Variants in ZNF791 observed in about 807,000 individuals in gnomAD.
ZNF791 encodes zinc finger protein 791.
In ZNF791, 4 loss-of-function variants were observed where a neutral mutation model predicts 11.5. The ratio of observed to expected loss-of-function variants is 0.35; its 90% CI spans 0.17 to 0.80. ZNF791 has a LOEUF of 0.80. Among genes scored for constraint, ZNF791 ranks in the 30% least tolerant of loss-of-function variants. ZNF791 has a pLI of 0.53. For synonymous variants in ZNF791, 212 were observed against 228.1 expected, an observed-to-expected ratio of 0.93 and a Z score of 0.64; for missense variants, 559 against 699.4, an observed-to-expected ratio of 0.80 and a Z score of 2.26.
chr19:12,626,635 T>A lies in ZNF791; in HGVS notation c.192-1086T>A, dbSNP rs1195943748. ...TATTTTTATTTTTGAGACGAAGTCT[T>A]GCTCTGTCACCCAGGCTGGAGTGCA... On this transcript the variant is annotated intron_variant, in intron 3 of 3. Transcript: ENST00000343325. 2.6e-5 allele frequency among the ~76,000 whole-genome samples: 4 copies of A among 151,954 alleles called. No homozygotes were observed. The East Asian group carries it at 5.9e-4, about 22-fold the overall frequency.
rs1568290861 is a variant in ZNF791 at position 12,628,426 on chromosome 19, C to T, written c.897C>T (p.Pro299=). 6.2e-7 allele frequency: 1 copy of T among 1,609,150 alleles called. No homozygotes were observed. The highest frequency in any genetic ancestry group is 8.5e-7 in the Non-Finnish European group (1 of 1,177,832). Residue 299 remains proline, a synonymous_variant, in exon 4 of 4, where the codon CCC becomes CCT. Coordinates refer to ENST00000343325, the MANE Select transcript of ZNF791 (RefSeq NM_153358.3). ...AAAGAATTCACACTGGAGAGAAACCCTATAAATGTAAACAATGTGGTAAAG... is the reference window on the plus strand; with the variant it reads ...AAAGAATTCACACTGGAGAGAAACCTTATAAATGTAAACAATGTGGTAAAG... ...VHERIHTGEK[P]YKCKQCGKAF...
intron 1 of ZNF791, among the ~76,000 whole-genome samples, chr19:12,622,382 A>T (rs1258360157): frequency 2.3e-5 from 3 of 130,266 alleles, no homozygotes; most frequent in African/African-American, 6.2e-5. Flanking sequence ...AATAAATAAA[A>T]AAAATAATAA....
At chr19:12,633,831 AAAAC>A in exon 4 of ZNF791, 2 of 151,828 alleles carry the variant, frequency 1.3e-5, no homozygotes, top group Non-Finnish European at 2.9e-5. Context: ...AAAAAAAAAA[AAAAC>A]AACTATATGG....
At chr19:12,627,253 C>T (rs1326190267) in intron 3 of ZNF791, among the ~76,000 whole-genome samples, 2 of 151,912 alleles carry the variant, frequency 1.3e-5, no homozygotes, top group Admixed American at 1.3e-4. Flanking sequence ...GTGACACAAG[C>T]CCTCTTGCAG....
chr19:12,620,689 A>G (rs1052082596), intron 1 of ZNF791, among the ~76,000 whole-genome samples: 12 of 151,534 alleles, frequency 7.9e-5, no homozygotes, highest in African/African-American at 2.9e-4. Context: ...AACCTGGGAC[A>G]ACAGCCCCTA....
Position 12,631,358 on chromosome 19 carries a change from C to CAT in ZNF791, c.*2102_*2103dup. On this transcript the variant is annotated 3_prime_UTR_variant, in exon 4 of 4. Transcript: ENST00000343325. ...ATCACCTACAACACGTTTCTCAGAA[C>CAT]ATATACCCATGATTAAGCAATCTCT... is the stretch of plus-strand genomic sequence containing the variant. 1 of 152,316 alleles carries CAT rather than the reference C, an allele frequency of 6.6e-6. No homozygotes were observed. Among genetic ancestry groups the CAT allele is most frequent in the Non-Finnish European group, 1.5e-5 (1 of 68,036 alleles). 9.4% of individuals were successfully genotyped at this position (152,316 alleles called of 1,614,324 possible).
At position 12,628,247 on chromosome 19, in the gene ZNF791, G is replaced by GGA; in HGVS notation, c.723_724dup (p.Lys242ArgfsTer20). 1 of 1,613,830 alleles carries GGA rather than the reference G, an allele frequency of 6.2e-7. No individual in the cohort carries two copies. The highest frequency in any genetic ancestry group is 8.5e-7 in the Non-Finnish European group (1 of 1,179,898). ...TCGAGTACACGAAAGAACTCACACT[G>GGA]GAGAGAAACCCTATGCATGTAAGGA... On this transcript the variant is annotated frameshift_variant, in exon 4 of 4. Coordinates refer to ENST00000343325, the MANE Select transcript of ZNF791 (RefSeq NM_153358.3). LOFTEE classifies it low-confidence loss of function (END_TRUNC).
At chr19:12,627,467 A>C (rs1420975301) in intron 3 of ZNF791, among the ~76,000 whole-genome samples, 1 of 151,964 alleles carries the variant, frequency 6.6e-6, no homozygotes, top group Non-Finnish European at 1.5e-5. Context: ...GCTTTACTAA[A>C]AATACAAAAT....
At position 12,632,221 on chromosome 19, in the gene ZNF791, C is replaced by T. The variant is rs757830528; in HGVS notation, c.*2961C>T. On this transcript the variant is annotated 3_prime_UTR_variant, in exon 4 of 4. Transcript: ENST00000343325. ...CTCGTGATTCGACCGCCTCAGCCTCCCAAAGTGCTGGGATTACAAGCTTGA... is the reference window on the plus strand; with the variant it reads ...CTCGTGATTCGACCGCCTCAGCCTCTCAAAGTGCTGGGATTACAAGCTTGA... The T allele has an allele frequency of 1.3e-5, 2 of 151,968 alleles. No homozygotes were observed. The highest frequency in any genetic ancestry group is 6.6e-5 in the Admixed American group (1 of 15,230). The allele number at this position is 151,968 out of a possible 1,614,324, so 9.4% of individuals were successfully genotyped here. A position where few individuals can be genotyped will look rare whatever the true frequency, so the allele number is the denominator to read the frequency against.
chr19:12,621,719 GGGGGTCAGCCCCCCTGCC>G (rs2023349094), intron 1 of ZNF791, among the ~76,000 whole-genome samples: 1 of 102,714 alleles, frequency 9.7e-6, no homozygotes, highest in African/African-American at 3.8e-5. Flanking sequence ...CACCTCGGTG[GGGGGTCAGCCCCCCTGCC>G]CGGCCAGCCG....
In ZNF791 at chr19:12,631,053, C is replaced by G. The variant is rs1290331170; in HGVS notation, c.*1793C>G. On this transcript the variant is annotated 3_prime_UTR_variant, in exon 4 of 4. Coordinates refer to ENST00000343325, the MANE Select transcript of ZNF791 (RefSeq NM_153358.3). ...TTCACTCACCACTCAACTGACTCAC[C>G]CAGAGCAACTTCTAGTCCTGCAAGC... The G allele has an allele frequency of 1.3e-5, 2 of 152,200 alleles. No homozygotes were observed. The highest frequency in any genetic ancestry group is 2.9e-5 in the Non-Finnish European group (2 of 68,040). 9.4% of individuals were successfully genotyped at this position (152,200 alleles called of 1,614,324 possible).
At position 12,614,918 on chromosome 19, in the gene ZNF791, T is replaced by TTTTTTTTTTTTTTTTTTTTC. The variant is rs2023221144; in HGVS notation, c.3+3845_3+3846insTTTTTTTTTTCTTTTTTTTT. On this transcript the variant is annotated intron_variant, in intron 1 of 3. Coordinates refer to ENST00000343325, the MANE Select transcript of ZNF791 (RefSeq NM_153358.3). Reference sequence around the variant, plus strand: ...TTTTTTTTTTTTTTTTTTTTTTTTTTTTTTTTTTTGATACAGCGTCTCACT... The same window carrying TTTTTTTTTTTTTTTTTTTTC: ...TTTTTTTTTTTTTTTTTTTTTTTTTTTTTTTTTTTTTTTTTTTTTCTTTTTTTTTGATACAGCGTCTCACT... 1.5e-5 allele frequency among the ~76,000 whole-genome samples: 2 copies of TTTTTTTTTTTTTTTTTTTTC among 136,256 alleles called. 1 individual carries two copies. Among genetic ancestry groups the TTTTTTTTTTTTTTTTTTTTC allele is most frequent in the Non-Finnish European group, 3.1e-5 (2 of 65,062 alleles). 89.4% of individuals were successfully genotyped at this position (136,256 alleles called of 152,430 possible). A position where few individuals can be genotyped will look rare whatever the true frequency, so the allele number is the denominator to read the frequency against.
chr19:12,627,414 G>C (rs2023445918), intron 3 of ZNF791, among the ~76,000 whole-genome samples: 1 of 152,122 alleles, frequency 6.6e-6, no homozygotes, highest in South Asian at 2.1e-4. Flanking sequence ...ATCACTTGAG[G>C]TCAGGAGTTC....
Position 12,629,941 on chromosome 19 carries a change from G to GTAGGATTGCTT in ZNF791, c.*682_*692dup, listed in dbSNP as rs1178939482. ...ATCCCAACACTGGGAGACTAAGGCA[G>GTAGGATTGCTT]TAGGATTGCTTGATGCCAGGACTAC... On this transcript the variant is annotated 3_prime_UTR_variant, in exon 4 of 4. Transcript: ENST00000343325. The GTAGGATTGCTT allele has an allele frequency of 6.6e-6, 1 of 151,656 alleles. No homozygotes were observed. Among genetic ancestry groups the GTAGGATTGCTT allele is most frequent in the East Asian group, 1.9e-4 (1 of 5,174 alleles). The allele number at this position is 151,656 out of a possible 1,614,324, so 9.4% of individuals were successfully genotyped here. A position where few individuals can be genotyped will look rare whatever the true frequency, so the allele number is the denominator to read the frequency against.
rs762939830 is a variant in ZNF791 at position 12,628,780 on chromosome 19, T to C, written c.1251T>C (p.Cys417=). 4.3e-6 allele frequency: 7 copies of C among 1,613,864 alleles called. No homozygotes were observed. The East Asian group carries it at 1.6e-4, about 36-fold the overall frequency. The change falls in exon 4 of 4, where the codon TGT becomes TGC. Residue 417 remains cysteine (C), a synonymous_variant. Transcript: ENST00000343325. The part of the protein sequence containing the change: ...TGEKPYECKE[C]AKTFISLENF... Reference sequence around the variant, plus strand: ...AAAAACCCTATGAGTGTAAGGAATGTGCAAAAACCTTCATTTCTCTTGAGA... The same window carrying C: ...AAAAACCCTATGAGTGTAAGGAATGCGCAAAAACCTTCATTTCTCTTGAGA...
In ZNF791 at chr19:12,624,718, G is replaced by C; in HGVS notation, c.191+8G>C. On this transcript the variant is annotated splice_region_variant and intron_variant, in intron 3 of 3. Transcript: ENST00000343325. ...CCAAGGACGAAATCTAAGGTGAGTT[G>C]CACTCACAAGAAGTAACAGTGTTCC... 6.3e-7 allele frequency: 1 copy of C among 1,599,412 alleles called. No homozygotes were observed. Among genetic ancestry groups the C allele is most frequent in the Non-Finnish European group, 8.5e-7 (1 of 1,171,840 alleles).
chr19:12,622,998 G>C (rs2023377599), intron 1 of ZNF791, among the ~76,000 whole-genome samples: 1 of 152,078 alleles, frequency 6.6e-6, no homozygotes, highest in Non-Finnish European at 1.5e-5. Flanking sequence ...GGATGTCTTG[G>C]GGGCCCAGGG....
At chr19:12,617,068 C>G (rs1351965387) in intron 1 of ZNF791, among the ~76,000 whole-genome samples, 1 of 151,586 alleles carries the variant, frequency 6.6e-6, no homozygotes, top group African/African-American at 2.4e-5. Context: ...TTGTTGCATT[C>G]CACAAATTTT....
Position 12,629,706 on chromosome 19 carries a change from C to T in ZNF791, c.*446C>T, listed in dbSNP as rs1461580324. 1.3e-5 allele frequency: 2 copies of T among 152,058 alleles called. No individual in the cohort carries two copies. The highest frequency in any genetic ancestry group is 2.9e-5 in the Non-Finnish European group (2 of 68,100). The allele number at this position is 152,058 out of a possible 1,614,324, so 9.4% of individuals were successfully genotyped here. ...GACCATCCTGGCTAACACGGTAAAA[C>T]CCCATCTCTACTAAAAATACAAACA... On this transcript the variant is annotated 3_prime_UTR_variant, in exon 4 of 4. Transcript: ENST00000343325.
Sources: allele counts gnomAD v4.1 joint callset (sites outside exome capture counted in the v4.1 genomes callset), GRCh38; gene constraint gnomAD v4.1.1; transcripts MANE v1.5; gene names NCBI Gene and HGNC (gene_info 2026-07-23, HGNC 2026-07-21).